Variants in ZFHX3 observed in about 807,000 individuals in gnomAD.
ZFHX3 encodes zinc finger homeobox 3.
ZFHX3 carries 42 observed loss-of-function variants against 279.1 expected under a neutral mutation model. The ratio of observed to expected loss-of-function variants is 0.15; its 90% CI spans 0.12 to 0.19. The LOEUF is 0.19. Ranked by LOEUF, ZFHX3 falls within the 10% of genes least tolerant of loss-of-function variation. The probability of loss-of-function intolerance (pLI) is 1.00; values close to 1 mark genes in which losing one functional copy is unlikely to be tolerated. For synonymous variants in ZFHX3, 2,293 were observed against 1,957.8 expected, an observed-to-expected ratio of 1.17 and a Z score of -4.52; for missense variants, 4,981 against 4,754.0, an observed-to-expected ratio of 1.05 and a Z score of -1.40.
chr16:73,077,404 A>C (rs1965897081), intron 8 of ZFHX3, among the ~76,000 whole-genome samples: 1 of 151,880 alleles, frequency 6.6e-6, no homozygotes, highest in African/African-American at 2.4e-5. Context: ...GACACTGCGC[A>C]CTTCCCTGTT....
intron 8 of ZFHX3, among the ~76,000 whole-genome samples, chr16:73,075,781 A>T (rs1359735259): frequency 6.6e-6 from 1 of 152,088 alleles, no homozygotes; most frequent in South Asian, 2.1e-4. Context: ...CTACAGGTGC[A>T]TGCCACTATG....
intron 3 of ZFHX3, among the ~76,000 whole-genome samples, chr16:72,936,924 G>A (rs971537029): frequency 1.3e-5 from 2 of 152,154 alleles, no homozygotes; most frequent in Non-Finnish European, 2.9e-5. Flanking sequence ...GAGGGTGGTG[G>A]TGCAAATGTA....
chr16:72,799,979 C>T (rs2036045518), intron 8 of ZFHX3, 48 bp downstream of exon 8: 1 of 1,541,256 alleles, frequency 6.5e-7, no homozygotes, highest in Admixed American at 1.7e-5. Context: ...AACATTTTGG[C>T]ATTCCATCTT....
chr16:72,798,474 C>T lies in ZFHX3; in HGVS notation c.4208G>A (p.Cys1403Tyr). ...VSDRHVYKYR[C>Y]NQCSLAFKTI... The stretch of plus-strand genomic sequence containing the variant: ...CTTGAAGGCCAGGCTACACTGATTA[C>T]AGCGGTACTTGTACACATGGCGATC... Residue 1403 changes from cysteine to tyrosine, a missense_variant, in exon 9 of 10, where the codon TGT (cysteine) becomes TAT (tyrosine). Transcript: ENST00000268489. 1 of 1,614,200 alleles carries T rather than the reference C, an allele frequency of 6.2e-7. No homozygotes were observed. Among genetic ancestry groups the T allele is most frequent in the Non-Finnish European group, 8.5e-7 (1 of 1,180,020 alleles).
intron 1 of ZFHX3, among the ~76,000 whole-genome samples, chr16:73,764,869 C>T (rs1043728652): frequency 6.6e-6 from 1 of 152,296 alleles, no homozygotes; most frequent in Non-Finnish European, 1.5e-5. Context: ...GATACCTATG[C>T]GTCTTGGATT....
At chr16:73,146,462 C>T (rs573880075) in intron 5 of ZFHX3, among the ~76,000 whole-genome samples, 17 of 151,778 alleles carry the variant, frequency 1.1e-4, no homozygotes, top group East Asian at 7.8e-4. Context: ...GAAAGGCATA[C>T]GGACCATGGA....
intron 3 of ZFHX3, among the ~76,000 whole-genome samples, chr16:73,387,417 A>C (rs2143386529): frequency 6.6e-6 from 1 of 152,306 alleles, no homozygotes; most frequent in Non-Finnish European, 1.5e-5. Flanking sequence ...ATAAGAAACA[A>C]GGGGTCATGT....
At chr16:73,142,029 C>G (rs1753382756) in intron 6 of ZFHX3, among the ~76,000 whole-genome samples, 1 of 152,218 alleles carries the variant, frequency 6.6e-6, no homozygotes, top group South Asian at 2.1e-4. Flanking sequence ...GATGAAGGCT[C>G]TGATGGGCTG....
At chr16:72,999,996 G>A (rs535864390) in intron 1 of ZFHX3, among the ~76,000 whole-genome samples, 1 of 152,340 alleles carries the variant, frequency 6.6e-6, no homozygotes, top group South Asian at 2.1e-4. Context: ...AAGAGAAGGT[G>A]TGCACAGAGT....
At chr16:73,657,184 T>C (rs1597050845) in intron 2 of ZFHX3, among the ~76,000 whole-genome samples, 1 of 152,270 alleles carries the variant, frequency 6.6e-6, no homozygotes, top group African/African-American at 2.4e-5. Context: ...TGGCTGGGTG[T>C]AGTGGCTCAC....
At chr16:73,534,704 G>C (rs74030104) in intron 2 of ZFHX3, among the ~76,000 whole-genome samples, 1,933 of 152,262 alleles carry the variant, frequency 0.013, 42 homozygotes, top group African/African-American at 0.044. Context: ...CACAATAAAT[G>C]TTAGCTGCCA....
At chr16:73,373,251 T>G (rs1316259682) in intron 3 of ZFHX3, among the ~76,000 whole-genome samples, 3 of 152,204 alleles carry the variant, frequency 2.0e-5, no homozygotes, top group Non-Finnish European at 4.4e-5. Context: ...ATTCATTTCC[T>G]AGCCCTTTGG....
chr16:73,026,479 C>A (rs1402525607), intron 1 of ZFHX3, among the ~76,000 whole-genome samples: 2 of 151,934 alleles, frequency 1.3e-5, no homozygotes, highest in African/African-American at 2.4e-5. Context: ...CGAGACCAGC[C>A]TGACCAACAT....
chr16:73,602,470 A>G (rs1244668943), intron 2 of ZFHX3, among the ~76,000 whole-genome samples: 6 of 152,066 alleles, frequency 3.9e-5, no homozygotes, highest in African/African-American at 1.4e-4. Flanking sequence ...AGGGGAGAAA[A>G]CCAAGCAAGG....
At chr16:73,381,640 C>T (rs2016819768) in intron 3 of ZFHX3, among the ~76,000 whole-genome samples, 1 of 152,142 alleles carries the variant, frequency 6.6e-6, no homozygotes, top group South Asian at 2.1e-4. Context: ...TATAAGGAGC[C>T]AGATAGTAAA....
At chr16:73,813,658 C>T (rs1374315590) in intron 1 of ZFHX3, 1 of 152,232 alleles carries the variant, frequency 6.6e-6, no homozygotes, top group Non-Finnish European at 1.5e-5. Context: ...CAGTCCATCC[C>T]ACAGCACTCA....
At chr16:72,886,359 T>C (rs1176071884) in intron 4 of ZFHX3, among the ~76,000 whole-genome samples, 4 of 151,148 alleles carry the variant, frequency 2.6e-5, no homozygotes. Context: ...GGGAAGTCTA[T>C]CATCTCCACT....
intron 3 of ZFHX3, among the ~76,000 whole-genome samples, chr16:73,375,945 T>A (rs1340846683): frequency 6.6e-6 from 1 of 152,240 alleles, no homozygotes; most frequent in African/African-American, 2.4e-5. Context: ...TTATTTCATG[T>A]TGATTTTGAT....
chr16:72,927,245 T>C (rs367620849), intron 3 of ZFHX3, among the ~76,000 whole-genome samples: 12 of 152,342 alleles, frequency 7.9e-5, no homozygotes, highest in East Asian at 5.8e-4. Context: ...TTTATTTAAA[T>C]TTGTTTAGAC....
Sources: allele counts gnomAD v4.1 joint callset (sites outside exome capture counted in the v4.1 genomes callset), GRCh38; gene constraint gnomAD v4.1.1; transcripts MANE v1.5; gene names NCBI Gene and HGNC (gene_info 2026-07-23, HGNC 2026-07-21).